Variants in UNC80 observed in about 807,000 individuals in gnomAD.
The protein encoded by UNC80 is unc-80 subunit of NALCN channel complex, also known as protein unc-80 homolog.
UNC80 carries 164 observed loss-of-function variants against 384.6 expected under a neutral mutation model. The observed-to-expected ratio is 0.43, with a 90% CI of 0.38 to 0.49. UNC80 has a LOEUF of 0.49. Among genes scored for constraint, UNC80 ranks in the 20% least tolerant of loss-of-function variants. The pLI, the probability that UNC80 is intolerant of heterozygous loss-of-function variation, is 0.00. For synonymous variants in UNC80, 1,486 were observed against 1,527.8 expected, an observed-to-expected ratio of 0.97 and a Z score of 0.64; for missense variants, 3,330 against 4,143.0, an observed-to-expected ratio of 0.80 and a Z score of 5.39.
intron 24 of UNC80, 113 bp downstream of exon 24, chr2:209,878,202 C>A: frequency 9.0e-7 from 1 of 1,116,806 alleles, no homozygotes; most frequent in Non-Finnish European, 1.2e-6. Context: ...CATGTCTTTC[C>A]ACTGCTCCTT....
intron 33 of UNC80, 117 bp downstream of exon 33, chr2:209,918,780 C>A: frequency 8.4e-7 from 1 of 1,192,486 alleles, no homozygotes; most frequent in Non-Finnish European, 1.1e-6. Context: ...AAAGTCAGCA[C>A]AAAAGATCTT....
In UNC80 at chr2:209,930,886, A is replaced by G. The variant is rs558250878; in HGVS notation, c.5908-82A>G. Reference sequence around the variant, plus strand: ...AAAAGTAAAAAAAATCCCTCACCCAATCCCGAATTTTCAAGAAGTTAATTT... The same window carrying G: ...AAAAGTAAAAAAAATCCCTCACCCAGTCCCGAATTTTCAAGAAGTTAATTT... On this transcript the variant is annotated intron_variant, in intron 37 of 64. Transcript: ENST00000673920. 32 of 986,202 alleles carry G rather than the reference A, an allele frequency of 3.2e-5. No homozygotes were observed. In the South Asian group the frequency reaches 4.9e-4, roughly 15 times the overall value. The allele number at this position is 986,202 out of a possible 1,614,324, so 61.1% of individuals were successfully genotyped here.
intron 7 of UNC80, among the ~76,000 whole-genome samples, chr2:209,798,621 A>G (rs925835011): frequency 1.1e-4 from 16 of 151,742 alleles, no homozygotes; most frequent in African/African-American, 3.9e-4. Context: ...TTGTTTTTGC[A>G]TAAGATTGTC....
At chr2:209,906,260 A>G (rs1237122488) in intron 29 of UNC80, among the ~76,000 whole-genome samples, 1 of 151,984 alleles carries the variant, frequency 6.6e-6, no homozygotes, top group Non-Finnish European at 1.5e-5. Context: ...TTTAATTACA[A>G]CTTTTTTATT....
rs533329798 is a variant in UNC80 at position 209,839,770 on chromosome 2, A to G, written c.3250+340A>G. On this transcript the variant is annotated intron_variant, in intron 19 of 64. Coordinates refer to ENST00000673920, the MANE Select transcript of UNC80 (RefSeq NM_001371986.1). This position sits in a 1 kb window ranked among gnomAD's most constrained non-coding sequence, Gnocchi z 4.1. ...TAATTGCAAACTATGAATTTTATGA[A>G]GGAAATATACATAGTTCTACGAAAG... Among the ~76,000 whole-genome samples, 1 of 152,352 alleles carries G rather than the reference A, an allele frequency of 6.6e-6. No homozygotes were observed. The highest frequency in any genetic ancestry group is 2.1e-4 in the South Asian group (1 of 4,830).
In UNC80 at chr2:209,946,197, C is replaced by A. The variant is rs563406965; in HGVS notation, c.7286+254C>A. On this transcript the variant is annotated intron_variant, in intron 47 of 64. Transcript: ENST00000673920. ...GCAACATAGTGAGACCCTGTCTCTA[C>A]AAAAATTTTAAAAAATTAAAAATTA... Among the ~76,000 whole-genome samples, 20 of 151,624 alleles carry A rather than the reference C, an allele frequency of 1.3e-4. No homozygotes were observed. In the South Asian group the frequency reaches 4.2e-3, roughly 32 times the overall value.
intron 13 of UNC80, among the ~76,000 whole-genome samples, chr2:209,824,988 A>G (rs923369936): frequency 1.3e-5 from 2 of 152,198 alleles, no homozygotes; most frequent in African/African-American, 4.8e-5. Context: ...AGAATCCTAA[A>G]TTCACAGGTA....
intron 59 of UNC80, among the ~76,000 whole-genome samples, chr2:209,980,201 G>C (rs978792274): frequency 6.6e-6 from 1 of 152,098 alleles, no homozygotes; most frequent in Non-Finnish European, 1.5e-5. Context: ...ACTAAGTATG[G>C]GTAAAACTTA....
chr2:209,792,412 A>T (rs1349202830), intron 6 of UNC80, among the ~76,000 whole-genome samples: 1 of 152,130 alleles, frequency 6.6e-6, no homozygotes, highest in Non-Finnish European at 1.5e-5. Context: ...CAGTGGCGCG[A>T]TCTTGGCTCA....
At chr2:209,945,985 A>G (rs1382768965) in intron 47 of UNC80, 42 bp downstream of exon 47, 1 of 1,317,714 alleles carries the variant, frequency 7.6e-7, no homozygotes, top group Non-Finnish European at 1.1e-6. Context: ...ATAAGTAAAT[A>G]TGGCAGAGAA....
At chr2:209,948,013 T>C (rs1461728114) in intron 47 of UNC80, among the ~76,000 whole-genome samples, 2 of 151,676 alleles carry the variant, frequency 1.3e-5, no homozygotes, top group African/African-American at 2.4e-5. Context: ...TAACAGTAGT[T>C]GATTCTTTTT....
At chr2:209,896,520 C>A in intron 28 of UNC80, 107 bp downstream of exon 28, 5 of 925,930 alleles carry the variant, frequency 5.4e-6, no homozygotes, top group Non-Finnish European at 8.6e-6. Flanking sequence ...TCCGATCTAG[C>A]CTCCAAGAGA....
At chr2:209,861,635 T>C (rs2083348211) in intron 22 of UNC80, among the ~76,000 whole-genome samples, 1 of 152,234 alleles carries the variant, frequency 6.6e-6, no homozygotes, top group South Asian at 2.1e-4. Context: ...ATATTTCTGG[T>C]AGAATTCAGC....
chr2:209,940,709 CAG>C (rs1280285842), intron 43 of UNC80, among the ~76,000 whole-genome samples: 1 of 152,066 alleles, frequency 6.6e-6, no homozygotes, highest in Non-Finnish European at 1.5e-5. Flanking sequence ...CCCAGCTACT[CAG>C]GGGTCTGAAG....
At chr2:209,806,408 A>G (rs191196383) in intron 7 of UNC80, among the ~76,000 whole-genome samples, 1 of 152,122 alleles carries the variant, frequency 6.6e-6, no homozygotes, top group Non-Finnish European at 1.5e-5. Flanking sequence ...CTCTCTCTAT[A>G]TATATATTTA....
intron 22 of UNC80, among the ~76,000 whole-genome samples, chr2:209,851,705 T>C (rs2082543354): frequency 6.6e-6 from 1 of 151,958 alleles, no homozygotes; most frequent in African/African-American, 2.4e-5. Flanking sequence ...GATTGATGAA[T>C]GATTAGTATT....
At chr2:209,952,459 C>G (rs1183513565) in intron 47 of UNC80, among the ~76,000 whole-genome samples, 1 of 152,170 alleles carries the variant, frequency 6.6e-6, no homozygotes, top group Non-Finnish European at 1.5e-5. Context: ...GGCCTAACTC[C>G]TCTTTGGAAG....
chr2:209,861,667 G>A (rs143047059), intron 22 of UNC80, among the ~76,000 whole-genome samples: 1,958 of 152,200 alleles, frequency 0.013, 46 homozygotes, highest in African/African-American at 0.043. Flanking sequence ...CTGGTCCTGG[G>A]CTTTTTTTGG....
chr2:209,784,448 T>A (rs1401905647), intron 4 of UNC80, among the ~76,000 whole-genome samples: 1 of 152,160 alleles, frequency 6.6e-6, no homozygotes, highest in Non-Finnish European at 1.5e-5. Flanking sequence ...CAATTTTATT[T>A]TTTTTTCTGC....
Sources: allele counts gnomAD v4.1 joint callset (sites outside exome capture counted in the v4.1 genomes callset), GRCh38; gene constraint gnomAD v4.1.1; non-coding constraint Gnocchi (gnomAD v3.1); transcripts MANE v1.5; gene names NCBI Gene and HGNC (gene_info 2026-07-23, HGNC 2026-07-21).